UPF1: variants seen among roughly 807,000 people sequenced by gnomAD.
UPF1 encodes the protein regulator of nonsense transcripts 1.
UPF1 carries 9 observed loss-of-function variants against 129.2 expected under a neutral mutation model. That is an observed-to-expected ratio of 0.07 (90% confidence interval 0.04 to 0.12). The LOEUF is 0.12. Among genes scored for constraint, UPF1 ranks in the 10% least tolerant of loss-of-function variants. The probability of loss-of-function intolerance (pLI) is 1.00; values close to 1 mark genes in which losing one functional copy is unlikely to be tolerated. For missense variants in UPF1, 788 were observed against 1,525.3 expected (o/e 0.52, Z 8.05); for synonymous variants, 649 against 644.9 (o/e 1.01, Z -0.10).
chr19:18,837,849 G>C (rs1226637236), intron 1 of UPF1, among the ~76,000 whole-genome samples: 1 of 152,170 alleles, frequency 6.6e-6, no homozygotes, highest in Non-Finnish European at 1.5e-5. Flanking sequence ...TGCATGAGTT[G>C]TTTCCCTAGG....
At chr19:18,866,197 C>T (rs1405523882) in intron 23 of UPF1, 31 bp downstream of exon 23, 2 of 1,538,584 alleles carry the variant, frequency 1.3e-6, no homozygotes, top group Non-Finnish European at 1.7e-6. Context: ...CCTGGCCCCA[C>T]CCCAGCCTCA....
intron 18 of UPF1, 59 bp from the exon 19 acceptor site, chr19:18,863,379 C>T (rs1428632498): frequency 2.5e-6 from 4 of 1,581,926 alleles, no homozygotes; most frequent in East Asian, 2.3e-5. Context: ...GCCTCTTGGA[C>T]CGTCCTGTGA....
intron 1 of UPF1, among the ~76,000 whole-genome samples, chr19:18,842,260 C>T (rs999746853): frequency 6.6e-6 from 1 of 152,174 alleles, no homozygotes; most frequent in Non-Finnish European, 1.5e-5. Context: ...GACTTGGATT[C>T]TTAAAAACCT....
chr19:18,858,088 C>T (rs2055738198), intron 15 of UPF1, among the ~76,000 whole-genome samples: 1 of 152,230 alleles, frequency 6.6e-6, no homozygotes, highest in African/African-American at 2.4e-5. Context: ...GTACATCTTA[C>T]TAAGCCTCGA....
Position 18,832,549 on chromosome 19 carries a change from G to A in UPF1, c.231+109G>A. ...GTGTTTGGCCGGAGTCCCCCATCGC[G>A]GCCGGGCCTGGGGCGATCTGCCCCG... On this transcript the variant is annotated intron_variant, in intron 1 of 23. Transcript: ENST00000262803. This position sits in a 1 kb window ranked among gnomAD's most constrained non-coding sequence, Gnocchi z 5.6. 1 of 834,322 alleles carries A rather than the reference G, an allele frequency of 1.2e-6. No homozygotes were observed. Among genetic ancestry groups the A allele is most frequent in the Non-Finnish European group, 1.4e-6 (1 of 691,536 alleles). 51.7% of individuals were successfully genotyped at this position (834,322 alleles called of 1,614,324 possible). A position where few individuals can be genotyped will look rare whatever the true frequency, so the allele number is the denominator to read the frequency against.
At position 18,850,642 on chromosome 19, in the gene UPF1, C is replaced by G. The variant is rs767422938; in HGVS notation, c.630-46C>G. The G allele has an allele frequency of 6.6e-7, 1 of 1,504,386 alleles. No individual in the cohort carries two copies. The highest frequency in any genetic ancestry group is 8.9e-7 in the Non-Finnish European group (1 of 1,128,528). The allele number at this position is 1,504,386 out of a possible 1,614,324, so 93.2% of individuals were successfully genotyped here. A position where few individuals can be genotyped will look rare whatever the true frequency, so the allele number is the denominator to read the frequency against. ...GGAGGGGGCCCTCCCTGCTCCGGGGCTTCAGGGACGGGAGCTGGTCCTCAC... is the reference window on the plus strand; with the variant it reads ...GGAGGGGGCCCTCCCTGCTCCGGGGGTTCAGGGACGGGAGCTGGTCCTCAC... On this transcript the variant is annotated intron_variant, in intron 4 of 23. Transcript: ENST00000262803. This position sits in a 1 kb window ranked among gnomAD's most constrained non-coding sequence, Gnocchi z 7.1.
chr19:18,845,601 G>T (rs1249707815), intron 1 of UPF1, among the ~76,000 whole-genome samples: 2 of 152,168 alleles, frequency 1.3e-5, no homozygotes, highest in Admixed American at 1.3e-4. Context: ...GCCTTACACT[G>T]TGGTGGGTCT....
At chr19:18,835,477 G>T (rs1242249803) in intron 1 of UPF1, among the ~76,000 whole-genome samples, 1 of 152,146 alleles carries the variant, frequency 6.6e-6, no homozygotes, top group Non-Finnish European at 1.5e-5. Flanking sequence ...CAGTAGCTGG[G>T]ATTACAGGTG....
In UPF1 at chr19:18,865,202, CGGCTGACT is replaced by C; in HGVS notation, c.2858-81_2858-74del. The C allele has an allele frequency of 6.8e-7, 1 of 1,465,170 alleles. No individual in the cohort carries two copies. Among genetic ancestry groups the C allele is most frequent in the East Asian group, 2.5e-5 (1 of 40,684 alleles). 90.8% of individuals were successfully genotyped at this position (1,465,170 alleles called of 1,614,324 possible). On this transcript the variant is annotated intron_variant, in intron 20 of 23. Transcript: ENST00000262803. The surrounding 1 kb of genome is among the most constrained non-coding windows in gnomAD (Gnocchi z 6.1). Reference sequence around the variant, plus strand: ...CAGAGCCAGGACAGATGTGCAGCTCCGGCTGACTGGCTGGTGGGGTGGGTGGGGTATCG... The same window carrying C: ...CAGAGCCAGGACAGATGTGCAGCTCCGGCTGGTGGGGTGGGTGGGGTATCG...
In UPF1 at chr19:18,851,425, T is replaced by C. The variant is rs1203761187; in HGVS notation, c.810+557T>C. On this transcript the variant is annotated intron_variant, in intron 5 of 23. Transcript: ENST00000262803. This position sits in a 1 kb window ranked among gnomAD's most constrained non-coding sequence, Gnocchi z 4.2. ...GTTCTAATAACTAGGCTAGAAGTTT[T>C]CATTTGCCTCCCATTCAGTCAGAAA... Among the ~76,000 whole-genome samples, 1 of 152,238 alleles carries C rather than the reference T, an allele frequency of 6.6e-6. No individual in the cohort carries two copies. The highest frequency in any genetic ancestry group is 1.5e-5 in the Non-Finnish European group (1 of 68,044).
intron 1 of UPF1, among the ~76,000 whole-genome samples, chr19:18,844,271 G>A (rs1305599803): frequency 6.8e-6 from 1 of 146,474 alleles, no homozygotes; most frequent in Non-Finnish European, 1.5e-5. Context: ...GAGCAGAGGT[G>A]ATGGGAGGAG....
Position 18,832,101 on chromosome 19 carries a change from G to C in UPF1, c.-109G>C, listed in dbSNP as rs1323752405. 11 of 1,093,104 alleles carry C rather than the reference G, an allele frequency of 1.0e-5. No individual in the cohort carries two copies. The South Asian group carries it at 2.2e-4, about 22-fold the overall frequency. 67.7% of individuals were successfully genotyped at this position (1,093,104 alleles called of 1,614,324 possible). On this transcript the variant is annotated 5_prime_UTR_variant, in exon 1 of 24. Transcript: ENST00000262803. This position sits in a 1 kb window ranked among gnomAD's most constrained non-coding sequence, Gnocchi z 5.6. The stretch of plus-strand genomic sequence containing the variant: ...GCGCGCGGTTTGGTCCTTTCCGGGC[G>C]CGCGGGGGCGACAGCGGCAGCGACC...
chr19:18,855,227 C>T lies in UPF1; in HGVS notation c.1529C>T (p.Ala510Val). 1 of 1,611,572 alleles carries T rather than the reference C, an allele frequency of 6.2e-7. No individual in the cohort carries two copies. The highest frequency in any genetic ancestry group is 8.5e-7 in the Non-Finnish European group (1 of 1,179,968). ...TCGGCCACCATCGTCTACCACCTGG[C>T]CCGGCAAGGCAACGGGTAGGGCTGA... ...VTSATIVYHLARQGNGPVLVC... is the reference protein window; with the variant it reads ...VTSATIVYHLVRQGNGPVLVC... Residue 510 changes from alanine to valine, a missense_variant, in exon 11 of 24, where the codon GCC becomes GTC. Coordinates refer to ENST00000262803, the MANE Select transcript of UPF1 (RefSeq NM_002911.4).
At chr19:18,858,770 TCTTA>T (rs1432478573) in intron 15 of UPF1, among the ~76,000 whole-genome samples, 3 of 152,188 alleles carry the variant, frequency 2.0e-5, no homozygotes, top group South Asian at 2.1e-4. Context: ...GGACCACTCT[TCTTA>T]CTTAGCTTAT....
In UPF1 at chr19:18,855,150, A is replaced by G; in HGVS notation, c.1452A>G (p.Gln484=). ...SQVYAVKTVL[Q]RPLSLIQGPP... is the part of the protein sequence containing the mutation. ...TTTATGCCGTGAAGACTGTGCTGCA[A>G]AGACCACTGAGCCTGATCCAGGGCC... Residue 484 remains glutamine, a synonymous_variant, in exon 11 of 24, where the codon CAA becomes CAG. Coordinates refer to ENST00000262803, the MANE Select transcript of UPF1 (RefSeq NM_002911.4). 1 of 1,613,954 alleles carries G rather than the reference A, an allele frequency of 6.2e-7. No individual in the cohort carries two copies. Among genetic ancestry groups the G allele is most frequent in the Non-Finnish European group, 8.5e-7 (1 of 1,179,974 alleles).
rs1226876177 is a variant in UPF1, at chr19:18,860,264, A to C, written c.2183-57A>C. On this transcript the variant is annotated intron_variant, in intron 15 of 23. Transcript: ENST00000262803. ...AGCAACTACATTGCCCTGTGTCTGAACTCATTTGAGGCGGGCTAGGGCTTT... is the reference window on the plus strand; with the variant it reads ...AGCAACTACATTGCCCTGTGTCTGACCTCATTTGAGGCGGGCTAGGGCTTT... 14 of 1,565,648 alleles carry C rather than the reference A, an allele frequency of 8.9e-6. No homozygotes were observed. In the Admixed American group the frequency reaches 2.3e-4, roughly 26 times the overall value.
intron 1 of UPF1, among the ~76,000 whole-genome samples, chr19:18,845,778 C>T (rs901908957): frequency 2.0e-5 from 3 of 151,242 alleles, no homozygotes; most frequent in Non-Finnish European, 2.9e-5. Context: ...TGTGGGGGAC[C>T]GGGGGGTGTA....
At chr19:18,842,913 G>C (rs1395299743) in intron 1 of UPF1, among the ~76,000 whole-genome samples, 1 of 151,976 alleles carries the variant, frequency 6.6e-6, no homozygotes, top group African/African-American at 2.4e-5. Flanking sequence ...CTTGAACCCG[G>C]GAGGCAGAGG....
Position 18,866,076 on chromosome 19 carries a change from A to C in UPF1, c.3270A>C (p.Gln1090His). 6.2e-7 allele frequency: 1 copy of C among 1,613,294 alleles called. No individual in the cohort carries two copies. The highest frequency in any genetic ancestry group is 2.2e-5 in the East Asian group (1 of 44,842). Residue 1090 changes from glutamine to histidine, a missense_variant, in exon 23 of 24, where the codon CAA becomes CAC. Around this residue, in one of 6 missense-constraint regions of UPF1, gnomAD observed 218 missense variants for 318.1 expected, o/e 0.69. Coordinates refer to ENST00000262803, the MANE Select transcript of UPF1 (RefSeq NM_002911.4). ...DSYLGDEFKS[Q>H]IDVALSQDST... ...ACCTTGGTGACGAGTTTAAATCACA[A>C]ATCGACGTGGCGCTCTCACAGGACT... is the stretch of plus-strand genomic sequence containing the variant.
Sources: allele counts gnomAD v4.1 joint callset (sites outside exome capture counted in the v4.1 genomes callset), GRCh38; gene constraint gnomAD v4.1.1; regional missense constraint gnomAD v4.1.1; non-coding constraint Gnocchi (gnomAD v3.1); transcripts MANE v1.5; gene names NCBI Gene and HGNC (gene_info 2026-07-23, HGNC 2026-07-21).